Variants in SERPIND1 observed in about 807,000 individuals in gnomAD.
SERPIND1 encodes heparin cofactor 2.
In SERPIND1, 34 loss-of-function variants were observed where a neutral mutation model predicts 35.0. The ratio of observed to expected loss-of-function variants is 0.97; its 90% confidence interval spans 0.74 to 1.29. The LOEUF (loss-of-function observed/expected upper bound fraction) is 1.29. Ranked by LOEUF, SERPIND1 falls within the 50% of genes most tolerant of loss-of-function variation. The pLI is 0.00. For synonymous variants in SERPIND1, 236 were observed against 241.1 expected (o/e 0.98, Z 0.19); for missense variants, 633 against 637.7 (o/e 0.99, Z 0.08).
At chr22:20,783,444 A>T (rs1451419020) in intron 2 of SERPIND1, among the ~76,000 whole-genome samples, 2 of 151,730 alleles carry the variant, frequency 1.3e-5, no homozygotes, top group East Asian at 3.9e-4. Flanking sequence ...TTAAAAAAAA[A>T]AAAAAAAAGA....
At chr22:20,780,228 A>G (rs1227373525) in intron 2 of SERPIND1, 27 bp downstream of exon 2, 7 of 1,614,196 alleles carry the variant, frequency 4.3e-6, no homozygotes, top group Middle Eastern at 3.3e-4. Flanking sequence ...CAGTTCTCAC[A>G]GCAAACCCAC....
intron 4 of SERPIND1, 42 bp from the exon 5 acceptor site, chr22:20,786,833 T>A (rs751454774): frequency 1.0e-5 from 16 of 1,589,154 alleles, no homozygotes; most frequent in Non-Finnish European, 1.4e-5. Context: ...TAGCCCTCTG[T>A]GTGCTGACCT....
intron 1 of SERPIND1, among the ~76,000 whole-genome samples, chr22:20,776,872 G>C (rs934473989): frequency 6.6e-6 from 1 of 151,906 alleles, no homozygotes; most frequent in African/African-American, 2.4e-5. Context: ...CAGAGTATCC[G>C]AACAGTTACC....
intron 3 of SERPIND1, 78 bp downstream of exon 3, chr22:20,784,323 T>A (rs1458622639): frequency 6.3e-7 from 1 of 1,593,158 alleles, no homozygotes; most frequent in Non-Finnish European, 8.6e-7. Context: ...ATGGATCATT[T>A]TTTTAAAAAG....
rs748983623 is a variant in SERPIND1 at position 20,779,910 on chromosome 22, A to C, written c.598A>C (p.Asn200His). The stretch of plus-strand genomic sequence containing the variant: ...CAAGTATGAAATCACGACCATTCAT[A>C]ATCTCTTCCGTAAGCTGACTCATCG... ...SSKYEITTIHNLFRKLTHRLF... is the reference protein window; with the variant it reads ...SSKYEITTIHHLFRKLTHRLF... Residue 200 changes from asparagine to histidine, a missense_variant, in exon 2 of 5, where the codon AAT (asparagine) becomes CAT (histidine). By Grantham distance (68) the Asn-to-His change is moderately conservative. Transcript: ENST00000215727. 1 of 1,614,222 alleles carries C rather than the reference A, an allele frequency of 6.2e-7. No individual in the cohort carries two copies. The highest frequency in any genetic ancestry group is 2.2e-5 in the East Asian group (1 of 44,886).
chr22:20,787,049 A>T lies in SERPIND1; in HGVS notation c.1483A>T (p.Asn495Tyr). The T allele has an allele frequency of 6.2e-7, 1 of 1,614,174 alleles. No individual in the cohort carries two copies. The highest frequency in any genetic ancestry group is 8.5e-7 in the Non-Finnish European group (1 of 1,180,042). The change falls in exon 5 of 5, where the codon AAC (asparagine) becomes TAC (tyrosine). Residue 495 changes from asparagine (N) to tyrosine (Y), a missense_variant. Transcript: ENST00000215727. ...CCTGCTCTTCATGGGAAGAGTGGCC[A>T]ACCCCAGCAGGTCCTAGAGGTGGAG... ...SCLLFMGRVA[N>Y]PSRS is the part of the protein sequence containing the mutation.
intron 2 of SERPIND1, among the ~76,000 whole-genome samples, chr22:20,780,587 C>A (rs1321393783): frequency 6.6e-6 from 1 of 151,994 alleles, no homozygotes. Context: ...GACCAACAGA[C>A]CAACATGGTG....
At chr22:20,774,534 G>T (rs529925657) in intron 1 of SERPIND1, among the ~76,000 whole-genome samples, 1 of 152,142 alleles carries the variant, frequency 6.6e-6, no homozygotes, top group Non-Finnish European at 1.5e-5. Context: ...AGGCCGAGGC[G>T]GGTGGATCAC....
chr22:20,782,513 T>C (rs1933877280), intron 2 of SERPIND1, among the ~76,000 whole-genome samples: 1 of 152,210 alleles, frequency 6.6e-6, no homozygotes, highest in South Asian at 2.1e-4. Flanking sequence ...TTACTAATTT[T>C]GTTCTAATTT....
Position 20,779,936 on chromosome 22 carries a change from C to T in SERPIND1, c.624C>T (p.Arg208=). 8.1e-6 allele frequency: 13 copies of T among 1,614,200 alleles called. No homozygotes were observed. The highest frequency in any genetic ancestry group is 1.0e-5 in the Non-Finnish European group (12 of 1,180,046). ...ATCTCTTCCGTAAGCTGACTCATCG[C>T]CTCTTCAGGAGGAATTTTGGGTACA... is the stretch of plus-strand genomic sequence containing the variant. The part of the protein sequence containing the change: ...IHNLFRKLTH[R]LFRRNFGYTL... The change falls in exon 2 of 5, where the codon CGC becomes CGT. Residue 208 remains arginine (R), a synonymous_variant. Transcript: ENST00000215727.
chr22:20,786,227 C>T, intron 4 of SERPIND1, 79 bp downstream of exon 4: 1 of 1,480,146 alleles, frequency 6.8e-7, no homozygotes, highest in Non-Finnish European at 9.4e-7. Flanking sequence ...GCCCTTCCTA[C>T]CCACCCCCCA....
At chr22:20,782,009 G>A (rs540175614) in intron 2 of SERPIND1, among the ~76,000 whole-genome samples, 9 of 152,310 alleles carry the variant, frequency 5.9e-5, no homozygotes, top group Admixed American at 3.3e-4. Context: ...TACAATACTA[G>A]TACAATATGA....
chr22:20,778,390 G>C (rs1366672178), intron 1 of SERPIND1, among the ~76,000 whole-genome samples: 1 of 152,106 alleles, frequency 6.6e-6, no homozygotes, highest in African/African-American at 2.4e-5. Flanking sequence ...TGTAGTCCCA[G>C]CTACTTGGGA....
In SERPIND1 at chr22:20,779,527, A is replaced by AG. The variant is rs1244079448; in HGVS notation, c.220dup (p.Glu74GlyfsTer15). On this transcript the variant is annotated frameshift_variant, in exon 2 of 5. Transcript: ENST00000215727. LOFTEE classifies it high-confidence loss of function. ...ACCGTCACCAACGACTGGATTCCAG[A>AG]GGGGGAGGAGGACGACGACTATCTG... is the stretch of plus-strand genomic sequence containing the variant. 6.2e-7 allele frequency: 1 copy of AG among 1,613,926 alleles called. No individual in the cohort carries two copies.
chr22:20,782,357 C>T (rs934352122), intron 2 of SERPIND1, among the ~76,000 whole-genome samples: 3 of 152,174 alleles, frequency 2.0e-5, no homozygotes, highest in Non-Finnish European at 1.5e-5. Flanking sequence ...CTTCCTTTCC[C>T]CATCATGAGA....
rs1934344564 is a variant in SERPIND1 at position 20,787,480 on chromosome 22, T to C, written c.*414T>C. 1 of 315,700 alleles carries C rather than the reference T, an allele frequency of 3.2e-6. No homozygotes were observed. Among genetic ancestry groups the C allele is most frequent in the African/African-American group, 2.2e-5 (1 of 46,422 alleles). The allele number at this position is 315,700 out of a possible 1,614,324, so 19.6% of individuals were successfully genotyped here. A position where few individuals can be genotyped will look rare whatever the true frequency, so the allele number is the denominator to read the frequency against. On this transcript the variant is annotated 3_prime_UTR_variant, in exon 5 of 5. Coordinates refer to ENST00000215727, the MANE Select transcript of SERPIND1 (RefSeq NM_000185.4). ...GAAATGAGTGGTGTGACTAATTCCT[T>C]ACCTCTCCCAAGGAGGGTACACAAC...
At chr22:20,782,443 G>A (rs953909869) in intron 2 of SERPIND1, among the ~76,000 whole-genome samples, 8 of 152,164 alleles carry the variant, frequency 5.3e-5, no homozygotes, top group African/African-American at 1.9e-4. Context: ...CTTCTCAAAG[G>A]GGACGAGTGT....
chr22:20,781,663 T>A (rs1411459974), intron 2 of SERPIND1, among the ~76,000 whole-genome samples: 1 of 152,250 alleles, frequency 6.6e-6, no homozygotes, highest in Non-Finnish European at 1.5e-5. Flanking sequence ...GCTGGCCTCC[T>A]GTGGGTGGAA....
rs1172447883 is a variant in SERPIND1, at chr22:20,786,138, C to T, written c.1298C>T (p.Ala433Val). ...GCAGGCATCTCAGACCAAAGGATCG[C>T]CATCGACCTGGTAACCACTCCCTTG... ...NMAGISDQRI[A>V]IDLFKHQGTI... The change falls in exon 4 of 5, where the codon GCC becomes GTC. Residue 433 changes from alanine (A) to valine (V), a missense_variant. Ala to Val is a moderately conservative substitution (Grantham distance 64, BLOSUM62 0). Transcript: ENST00000215727. 2 of 1,613,946 alleles carry T rather than the reference C, an allele frequency of 1.2e-6. No homozygotes were observed. The highest frequency in any genetic ancestry group is 1.7e-6 in the Non-Finnish European group (2 of 1,180,032).
Sources: gnomAD v4.1 joint callset for allele counts (sites outside exome capture counted in the v4.1 genomes callset) on GRCh38, gnomAD v4.1.1 for gene constraint, MANE v1.5 for transcripts, NCBI Gene and HGNC (gene_info 2026-07-23, HGNC 2026-07-21) for gene names.